Variants in AFF3 observed in about 807,000 individuals in gnomAD.
AFF3 encodes ALF transcription elongation factor 3.
AFF3 carries 32 observed loss-of-function variants against 129.7 expected under a neutral mutation model. The observed-to-expected ratio is 0.25, with a 90% CI of 0.19 to 0.33. The LOEUF (loss-of-function observed/expected upper bound fraction) is 0.33. Ranked by LOEUF, AFF3 falls within the 10% of genes least tolerant of loss-of-function variation. AFF3 has a pLI of 1.00. For synonymous variants in AFF3, 644 were observed against 635.4 expected (o/e 1.01, Z -0.20); for missense variants, 1,373 against 1,592.0 (o/e 0.86, Z 2.34).
intron 4 of AFF3, among the ~76,000 whole-genome samples, chr2:100,044,431 C>T (rs752797193): frequency 2.1e-4 from 32 of 151,922 alleles, no homozygotes; most frequent in Non-Finnish European, 3.4e-4. Flanking sequence ...TTCACAACCC[C>T]CTTCCATCTA....
At chr2:99,965,667 A>G (rs1677674027) in intron 7 of AFF3, among the ~76,000 whole-genome samples, 1 of 152,202 alleles carries the variant, frequency 6.6e-6, no homozygotes, top group Admixed American at 6.5e-5. Flanking sequence ...TTGTCGTATT[A>G]GTTTAGTTTA....
intron 12 of AFF3, among the ~76,000 whole-genome samples, chr2:99,667,342 T>C (rs1686758472): frequency 6.6e-6 from 1 of 152,180 alleles, no homozygotes. Flanking sequence ...AACACATCAA[T>C]ATTTGTGGGA....
intron 4 of AFF3, among the ~76,000 whole-genome samples, chr2:100,075,192 C>T (rs1219676500): frequency 1.3e-5 from 2 of 152,126 alleles, no homozygotes; most frequent in African/African-American, 4.8e-5. Flanking sequence ...CAAACAGAAG[C>T]AGACCATGAA....
intron 24 of AFF3, among the ~76,000 whole-genome samples, chr2:99,551,942 C>G (rs890430572): frequency 1.3e-5 from 2 of 152,206 alleles, no homozygotes; most frequent in Non-Finnish European, 2.9e-5. Context: ...TCACCCTGTA[C>G]TCAATTCTGG....
intron 19 of AFF3, among the ~76,000 whole-genome samples, chr2:99,567,408 A>G (rs1034179332): frequency 6.6e-6 from 1 of 152,218 alleles, no homozygotes; most frequent in African/African-American, 2.4e-5. Context: ...AACATATAAT[A>G]GACTTGGAGA....
chr2:99,717,170 T>C (rs1678477068), intron 11 of AFF3, among the ~76,000 whole-genome samples: 1 of 152,248 alleles, frequency 6.6e-6, no homozygotes, highest in Non-Finnish European at 1.5e-5. Flanking sequence ...TGCACAGTTA[T>C]GAATCAAGTA....
intron 7 of AFF3, among the ~76,000 whole-genome samples, chr2:99,909,796 C>A (rs1235253685): frequency 6.6e-6 from 1 of 152,052 alleles, no homozygotes; most frequent in Non-Finnish European, 1.5e-5. Context: ...AATATTTTAA[C>A]ACATTGACAA....
chr2:99,903,375 C>T (rs984616970), intron 7 of AFF3, among the ~76,000 whole-genome samples: 4 of 152,100 alleles, frequency 2.6e-5, no homozygotes, highest in African/African-American at 9.7e-5. Flanking sequence ...TCTATCAATA[C>T]TTTTTGAGTA....
chr2:99,787,169 G>A (rs1300658375), intron 8 of AFF3, among the ~76,000 whole-genome samples: 1 of 152,102 alleles, frequency 6.6e-6, no homozygotes, highest in Admixed American at 6.5e-5. Context: ...GCAGCGGGAG[G>A]CCACGGCTGT....
chr2:99,772,690 C>T (rs1380502552), intron 8 of AFF3, among the ~76,000 whole-genome samples: 1 of 152,148 alleles, frequency 6.6e-6, no homozygotes, highest in Admixed American at 6.5e-5. Flanking sequence ...CAGAGTTAAA[C>T]AACCATGACT....
At position 100,008,663 on chromosome 2, in the gene AFF3, C is replaced by CG. The variant is rs1682209646; in HGVS notation, c.174+148dup. On this transcript the variant is annotated intron_variant, in intron 5 of 24. Coordinates refer to ENST00000672756, the MANE Select transcript of AFF3 (RefSeq NM_001386135.1). ...CACCTCAATTTCTGGGGGAAGACCC[C>CG]GTACTTGGTGGCTGAGCTGTCTTCC... The CG allele has an allele frequency of 6.2e-6, 6 of 968,202 alleles. No individual in the cohort carries two copies. In the East Asian group the frequency reaches 1.6e-4, roughly 26 times the overall value. The allele number at this position is 968,202 out of a possible 1,614,324, so 60.0% of individuals were successfully genotyped here.
In AFF3 at chr2:99,602,787, T is replaced by C. The variant is rs549630006; in HGVS notation, c.1185-1166A>G. ...AGCAGCCTGGACATGGTAAAGGACT[T>C]GTTTCACCCATCCCTTAAATCTTTG... On this transcript the variant is annotated intron_variant, in intron 13 of 24. Transcript: ENST00000672756. 2.6e-5 allele frequency among the ~76,000 whole-genome samples: 4 copies of C among 152,284 alleles called. No individual in the cohort carries two copies. In the South Asian group the frequency reaches 8.3e-4, roughly 32 times the overall value.
intron 1 of AFF3, among the ~76,000 whole-genome samples, chr2:100,131,362 T>C (rs766993685): frequency 8.5e-5 from 13 of 152,220 alleles, no homozygotes; most frequent in African/African-American, 1.2e-4. Flanking sequence ...ATGAGTCAAA[T>C]GTTGATATAA....
chr2:99,902,301 T>C (rs1558960633), intron 7 of AFF3, among the ~76,000 whole-genome samples: 1 of 151,912 alleles, frequency 6.6e-6, no homozygotes, highest in Non-Finnish European at 1.5e-5. Context: ...ATGAAGGAAA[T>C]AATTCTTTTT....
intron 10 of AFF3, among the ~76,000 whole-genome samples, chr2:99,734,754 C>T (rs552908871): frequency 4.6e-4 from 70 of 151,978 alleles, no homozygotes; most frequent in African/African-American, 1.6e-3. Flanking sequence ...ATATTTTGTA[C>T]TTGGCTGGAT....
Position 99,587,281 on chromosome 2 carries a change from G to A in AFF3, c.2467-3C>T, listed in dbSNP as rs112853786. 4.3e-6 allele frequency: 7 copies of A among 1,614,020 alleles called. No homozygotes were observed. The African/African-American group carries it at 8.0e-5, about 18-fold the overall frequency. On this transcript the variant is annotated splice_region_variant and splice_polypyrimidine_tract_variant and intron_variant, in intron 15 of 24. Coordinates refer to ENST00000672756, the MANE Select transcript of AFF3 (RefSeq NM_001386135.1). ...CTGTAGTCGTCTTCGTTGTCACACT[G>A]TATGGGAATAAACTAAAGTCAATCA...
chr2:99,691,516 T>G (rs1675653154), intron 11 of AFF3, among the ~76,000 whole-genome samples: 1 of 152,088 alleles, frequency 6.6e-6, no homozygotes, highest in Admixed American at 6.6e-5. Context: ...AATGAGCTTG[T>G]GCACCAGACC....
intron 8 of AFF3, among the ~76,000 whole-genome samples, chr2:99,821,904 G>C (rs116040282): frequency 0.023 from 3,530 of 152,248 alleles, 86 homozygotes; most frequent in African/African-American, 0.062. Flanking sequence ...TCTCACCAAT[G>C]AAGAAACAAA....
intron 19 of AFF3, among the ~76,000 whole-genome samples, chr2:99,567,798 G>A (rs138050184): frequency 6.6e-6 from 1 of 152,294 alleles, no homozygotes; most frequent in Non-Finnish European, 1.5e-5. Flanking sequence ...TTGGGCAAGA[G>A]GACAATGAAT....
Sources: gnomAD v4.1 joint callset for allele counts (sites outside exome capture counted in the v4.1 genomes callset) on GRCh38, gnomAD v4.1.1 for gene constraint, MANE v1.5 for transcripts, NCBI Gene and HGNC (gene_info 2026-07-23, HGNC 2026-07-21) for gene names.